Variants in COL4A2 observed in about 807,000 individuals in gnomAD.
COL4A2 encodes the protein collagen alpha-2(IV) chain.
Under a neutral mutation model 200.2 loss-of-function variants are expected in COL4A2, and 99 were observed. The observed-to-expected ratio is 0.49, with a 90% CI of 0.42 to 0.58. The LOEUF (loss-of-function observed/expected upper bound fraction) is 0.58, where lower values mean the gene tolerates loss of function less well. Ranked by LOEUF, COL4A2 falls within the 20% of genes least tolerant of loss-of-function variation. The probability of loss-of-function intolerance (pLI) is 0.00; values close to 1 mark genes in which losing one functional copy is unlikely to be tolerated. For missense variants in COL4A2, 1,950 were observed against 2,314.1 expected, an observed-to-expected ratio of 0.84 and a Z score of 3.23; for synonymous variants, 897 against 900.6, an observed-to-expected ratio of 1.00 and a Z score of 0.07.
intron 4 of COL4A2, among the ~76,000 whole-genome samples, chr13:110,382,292 A>G (rs944054543): frequency 3.3e-5 from 5 of 152,216 alleles, no homozygotes; most frequent in Admixed American, 6.5e-5. Context: ...TGATTAGCCA[A>G]TTAGAATAAA....
intron 40 of COL4A2, among the ~76,000 whole-genome samples, chr13:110,498,801 TG>T (rs1337783924): frequency 1.3e-5 from 2 of 152,246 alleles, no homozygotes; most frequent in African/African-American, 4.8e-5. Flanking sequence ...TTGATCTGTG[TG>T]GGACCCATTT....
rs1296946765 is a variant in COL4A2 at position 110,430,394 on chromosome 13, C to T, written c.550-7C>T. On this transcript the variant is annotated splice_polypyrimidine_tract_variant and splice_region_variant and intron_variant, in intron 8 of 47. Coordinates refer to ENST00000360467, the MANE Select transcript of COL4A2 (RefSeq NM_001846.4). ...TATCACTCTTAAAATTATTTCTTCT[C>T]CATTAGGGTGAACCTGGAGAGCCTG... 4 of 1,613,190 alleles carry T rather than the reference C, an allele frequency of 2.5e-6. No homozygotes were observed. The Admixed American group carries it at 6.7e-5, about 27-fold the overall frequency.
At chr13:110,471,243 T>C (rs969118864) in intron 28 of COL4A2, among the ~76,000 whole-genome samples, 4 of 152,150 alleles carry the variant, frequency 2.6e-5, no homozygotes, top group Non-Finnish European at 5.9e-5. Context: ...GGCTCCCCTG[T>C]AGGGGGGAAT....
chr13:110,348,334 G>A (rs369939795), intron 3 of COL4A2, among the ~76,000 whole-genome samples: 1 of 152,222 alleles, frequency 6.6e-6, no homozygotes, highest in African/African-American at 2.4e-5. Flanking sequence ...TTGAAGTACT[G>A]TTAAACAAAG....
rs1419215210 is a variant in COL4A2 at position 110,502,955 on chromosome 13, T to C, written c.3878-166T>C. On this transcript the variant is annotated intron_variant, in intron 41 of 47. Coordinates refer to ENST00000360467, the MANE Select transcript of COL4A2 (RefSeq NM_001846.4). The stretch of plus-strand genomic sequence containing the variant: ...TAAAAATGATTAAAATGGTAACTTT[T>C]ATGTTCTACGTATTTTACGACAATT... 7.5e-6 allele frequency: 5 copies of C among 662,254 alleles called. No homozygotes were observed. In the South Asian group the frequency reaches 7.9e-5, roughly 10 times the overall value. 41.0% of individuals were successfully genotyped at this position (662,254 alleles called of 1,614,324 possible).
At chr13:110,452,937 G>A (rs187723519) in intron 20 of COL4A2, among the ~76,000 whole-genome samples, 1 of 151,808 alleles carries the variant, frequency 6.6e-6, no homozygotes, top group East Asian at 2.0e-4. Context: ...GGCTAATTTT[G>A]TAATTTTGGT....
At chr13:110,442,114 AAG>A (rs1881151287) in intron 16 of COL4A2, among the ~76,000 whole-genome samples, 2 of 149,002 alleles carry the variant, frequency 1.3e-5, no homozygotes, top group Admixed American at 6.8e-5. Flanking sequence ...AAAAAAAAAA[AAG>A]GGCAGTTCCA....
intron 4 of COL4A2, among the ~76,000 whole-genome samples, chr13:110,404,200 T>G (rs1879479399): frequency 6.6e-6 from 1 of 152,180 alleles, no homozygotes; most frequent in Non-Finnish European, 1.5e-5. Context: ...GCAAATAATA[T>G]AAGTATGATG....
chr13:110,497,442 A>G (rs933561328), intron 40 of COL4A2, among the ~76,000 whole-genome samples: 1 of 150,970 alleles, frequency 6.6e-6, no homozygotes, highest in African/African-American at 2.4e-5. Context: ...ACCTCCACTC[A>G]GGACTGAGGA....
At position 110,308,130 on chromosome 13, in the gene COL4A2, C is replaced by T. The variant is rs1167797748; in HGVS notation, c.99+7C>T. On this transcript the variant is annotated splice_region_variant and intron_variant, in intron 3 of 47. Coordinates refer to ENST00000360467, the MANE Select transcript of COL4A2 (RefSeq NM_001846.4). ...CGCCCAGAGCGTCTTGGCGGTAAGT[C>T]CTGGCTCCCGCGCTTGGACTTGCGC... 1.2e-6 allele frequency: 2 copies of T among 1,613,492 alleles called. No homozygotes were observed. The highest frequency in any genetic ancestry group is 1.7e-6 in the Non-Finnish European group (2 of 1,179,934).
At chr13:110,338,657 C>T (rs1017712559) in intron 3 of COL4A2, among the ~76,000 whole-genome samples, 3 of 152,212 alleles carry the variant, frequency 2.0e-5, no homozygotes, top group African/African-American at 7.2e-5. Context: ...CAAGGCAATC[C>T]AGCCATCTCT....
At chr13:110,452,345 A>C (rs6492276) in intron 20 of COL4A2, among the ~76,000 whole-genome samples, 1 of 152,084 alleles carries the variant, frequency 6.6e-6, no homozygotes, top group Non-Finnish European at 1.5e-5. Context: ...TGTATTTTTA[A>C]TAGAGACGGG....
At chr13:110,342,998 C>T (rs1398501423) in intron 3 of COL4A2, among the ~76,000 whole-genome samples, 2 of 152,162 alleles carry the variant, frequency 1.3e-5, no homozygotes, top group Non-Finnish European at 2.9e-5. Flanking sequence ...TCAGGAGACT[C>T]TAAAAATCGT....
At chr13:110,422,784 T>G (rs960091281) in intron 4 of COL4A2, among the ~76,000 whole-genome samples, 13 of 152,158 alleles carry the variant, frequency 8.5e-5, no homozygotes, top group African/African-American at 3.1e-4. Flanking sequence ...GGGCCTAACA[T>G]CTCAAGGAAT....
At position 110,368,651 on chromosome 13, in the gene COL4A2, T is replaced by C. The variant is rs376806421; in HGVS notation, c.180+11099T>C. ...ATGAAGGGGAGAGATGACCAGGGAG[T>C]GATACCCATCTGCTCATCTTCAAGG... On this transcript the variant is annotated intron_variant, in intron 4 of 47. Coordinates refer to ENST00000360467, the MANE Select transcript of COL4A2 (RefSeq NM_001846.4). Among the ~76,000 whole-genome samples the C allele has an allele frequency of 1.3e-3, 193 of 152,092 alleles. 1 individual carries two copies. The highest frequency in any genetic ancestry group is 4.4e-3 in the African/African-American group (184 of 41,482).
At chr13:110,391,965 A>G (rs770476430) in intron 4 of COL4A2, among the ~76,000 whole-genome samples, 2 of 152,162 alleles carry the variant, frequency 1.3e-5, no homozygotes, top group Non-Finnish European at 2.9e-5. Flanking sequence ...ACATCCCAGC[A>G]GGTGTCTCCT....
At chr13:110,472,599 G>T in intron 28 of COL4A2, among the ~76,000 whole-genome samples, 1 of 152,072 alleles carries the variant, frequency 6.6e-6, no homozygotes, top group Middle Eastern at 3.2e-3. Flanking sequence ...CCCACAAAAA[G>T]CTATTCTTTG....
intron 36 of COL4A2, among the ~76,000 whole-genome samples, chr13:110,490,313 G>T (rs979734828): frequency 2.6e-5 from 4 of 152,250 alleles, no homozygotes; most frequent in African/African-American, 4.8e-5. Context: ...ATTCCTGCCT[G>T]CAGTGACGTC....
At chr13:110,491,187 G>A (rs1248063664) in intron 36 of COL4A2, 46 bp from the exon 37 acceptor site, 1 of 1,396,644 alleles carries the variant, frequency 7.2e-7, no homozygotes, top group African/African-American at 1.4e-5. Flanking sequence ...GGAACCCACA[G>A]GGGCGCGGTG....
Sources: gnomAD v4.1 joint callset for allele counts (sites outside exome capture counted in the v4.1 genomes callset) on GRCh38, gnomAD v4.1.1 for gene constraint, MANE v1.5 for transcripts, NCBI Gene and HGNC (gene_info 2026-07-23, HGNC 2026-07-21) for gene names.